The following SLC44A5 variants were observed in gnomAD, a reference collection of about 807,000 sequenced individuals.
SLC44A5 encodes solute carrier family 44 member 5, also known as choline transporter-like protein 5.
Under a neutral mutation model 101.8 loss-of-function variants are expected in SLC44A5, and 57 were observed. That is an observed-to-expected ratio of 0.56 (90% CI 0.45 to 0.70). The LOEUF is 0.70. Ranked by LOEUF, SLC44A5 falls within the 30% of genes least tolerant of loss-of-function variation. The pLI, the probability that SLC44A5 is intolerant of heterozygous loss-of-function variation, is 0.00. For missense variants in SLC44A5, 737 were observed against 853.1 expected (o/e 0.86, Z 1.70); for synonymous variants, 281 against 290.9 (o/e 0.97, Z 0.35).
intron 2 of SLC44A5, among the ~76,000 whole-genome samples, chr1:75,434,005 G>A (rs960318381): frequency 5.3e-5 from 8 of 151,954 alleles, no homozygotes; most frequent in Admixed American, 3.9e-4. Context: ...CCACGCCCAT[G>A]ATTAAATTAT....
intron 2 of SLC44A5, among the ~76,000 whole-genome samples, chr1:75,411,928 C>T (rs1044744510): frequency 3.9e-5 from 6 of 152,046 alleles, no homozygotes; most frequent in African/African-American, 1.4e-4. Flanking sequence ...CCATAGATAA[C>T]AATGTTCTCT....
chr1:75,250,726 C>G (rs374783312), intron 7 of SLC44A5, among the ~76,000 whole-genome samples: 2 of 152,160 alleles, frequency 1.3e-5, no homozygotes, highest in African/African-American at 2.4e-5. Context: ...ATTTAAGGAA[C>G]AGCAGAGCCA....
intron 2 of SLC44A5, among the ~76,000 whole-genome samples, chr1:75,516,262 C>T (rs566576079): frequency 6.6e-6 from 1 of 152,228 alleles, no homozygotes; most frequent in South Asian, 2.1e-4. Context: ...CGCCTGTAAT[C>T]CCAGCACTTT....
chr1:75,482,248 C>T (rs907041613), intron 2 of SLC44A5, among the ~76,000 whole-genome samples: 8 of 148,970 alleles, frequency 5.4e-5, no homozygotes, highest in African/African-American at 2.0e-4. Context: ...GGAAGGGGAA[C>T]ATCACACTCT....
intron 3 of SLC44A5, among the ~76,000 whole-genome samples, chr1:75,390,707 C>G (rs924883295): frequency 6.6e-6 from 1 of 152,004 alleles, no homozygotes; most frequent in African/African-American, 2.4e-5. Context: ...AAATAATGAG[C>G]AATTTATGAA....
At chr1:75,496,987 T>C (rs191137897) in intron 2 of SLC44A5, among the ~76,000 whole-genome samples, 1 of 151,984 alleles carries the variant, frequency 6.6e-6, no homozygotes, top group Non-Finnish European at 1.5e-5. Context: ...AAATAAGTGT[T>C]TATGAGAATG....
intron 2 of SLC44A5, among the ~76,000 whole-genome samples, chr1:75,441,132 C>T (rs1665172458): frequency 6.6e-6 from 1 of 152,046 alleles, no homozygotes; most frequent in Admixed American, 6.6e-5. Flanking sequence ...TTAAATTAAG[C>T]ATCTGTGGTA....
chr1:75,392,390 C>A (rs2101367108), intron 3 of SLC44A5, among the ~76,000 whole-genome samples: 1 of 152,026 alleles, frequency 6.6e-6, no homozygotes, highest in Admixed American at 6.5e-5. Flanking sequence ...GGCCAAGAAA[C>A]AAACGAAAAA....
At chr1:75,233,732 G>T (rs1382704314) in intron 12 of SLC44A5, among the ~76,000 whole-genome samples, 1 of 152,112 alleles carries the variant, frequency 6.6e-6, no homozygotes, top group Middle Eastern at 3.2e-3. Context: ...TAGTATCCAT[G>T]AGGCAGGAGA....
chr1:75,701,744 A>G, the SLC44A5 span, among the ~76,000 whole-genome samples: 1 of 152,160 alleles, frequency 6.6e-6, no homozygotes, highest in African/African-American at 2.4e-5. Context: ...ACATGATTGT[A>G]TATCTAGAAA....
intron 3 of SLC44A5, among the ~76,000 whole-genome samples, chr1:75,372,018 G>A (rs1369354937): frequency 6.6e-6 from 1 of 152,118 alleles, no homozygotes; most frequent in African/African-American, 2.4e-5. Context: ...TCAATTTGGT[G>A]AAACCCCGTC....
At chr1:75,254,724 G>C (rs759794527) in intron 6 of SLC44A5, among the ~76,000 whole-genome samples, 14 of 152,064 alleles carry the variant, frequency 9.2e-5, no homozygotes, top group Non-Finnish European at 2.1e-4. Context: ...GACAGAATTT[G>C]CCTGTTAGAA....
intron 3 of SLC44A5, among the ~76,000 whole-genome samples, chr1:75,340,628 T>C (rs1460754642): frequency 6.6e-6 from 1 of 152,246 alleles, no homozygotes; most frequent in Non-Finnish European, 1.5e-5. Context: ...ACCATCCCTC[T>C]GTCCCCCAAT....
At chr1:75,256,662 A>G (rs988073628) in intron 6 of SLC44A5, among the ~76,000 whole-genome samples, 1 of 152,138 alleles carries the variant, frequency 6.6e-6, no homozygotes, top group Non-Finnish European at 1.5e-5. Context: ...ATCATGTAAA[A>G]TGGTATTTAT....
chr1:75,365,679 C>T (rs1377302417), intron 3 of SLC44A5, among the ~76,000 whole-genome samples: 2 of 152,178 alleles, frequency 1.3e-5, no homozygotes, highest in East Asian at 1.9e-4. Context: ...AAATATGGTA[C>T]ATATACTCCA....
chr1:75,214,401 A>G (rs893255430), intron 20 of SLC44A5, among the ~76,000 whole-genome samples: 2 of 152,152 alleles, frequency 1.3e-5, no homozygotes, highest in African/African-American at 4.8e-5. Flanking sequence ...AATGGACCTA[A>G]AGACACAGGT....
intron 2 of SLC44A5, among the ~76,000 whole-genome samples, chr1:75,498,450 C>A (rs942163965): frequency 1.3e-5 from 2 of 152,138 alleles, no homozygotes; most frequent in East Asian, 1.9e-4. Flanking sequence ...CAAATTCTAA[C>A]CTTATGTTGC....
chr1:75,603,753 G>GTTTTTTTTTTTTTTTTTTTT (rs57844833), intron 1 of SLC44A5, among the ~76,000 whole-genome samples: 2 of 54,090 alleles, frequency 3.7e-5, no homozygotes, highest in African/African-American at 9.2e-5. Context: ...ATTTTTTCAT[G>GTTTTTTTTTTTTTTTTTTTT]TTTTTTTTTT....
chr1:75,465,102 C>T (rs565554966), intron 2 of SLC44A5, among the ~76,000 whole-genome samples: 2 of 152,262 alleles, frequency 1.3e-5, no homozygotes, highest in South Asian at 2.1e-4. Context: ...TGTTCATCAG[C>T]ACATGGATCA....
Sources: gnomAD v4.1 joint callset for allele counts (sites outside exome capture counted in the v4.1 genomes callset) on GRCh38, gnomAD v4.1.1 for gene constraint, MANE v1.5 for transcripts, NCBI Gene and HGNC (gene_info 2026-07-23, HGNC 2026-07-21) for gene names.